SLC25A29: variants seen among roughly 807,000 people sequenced by gnomAD.
SLC25A29 encodes the protein mitochondrial basic amino acids transporter.
In SLC25A29, 13 loss-of-function variants were observed where a neutral mutation model predicts 10.0. That is an observed-to-expected ratio of 1.30 (90% CI 0.85 to 2.07). The LOEUF (loss-of-function observed/expected upper bound fraction) is 2.07, where lower values mean the gene tolerates loss of function less well. Among genes scored for constraint, SLC25A29 ranks in the 30% most tolerant of loss-of-function variants. The probability of loss-of-function intolerance (pLI) is 0.00; values close to 1 mark genes in which losing one functional copy is unlikely to be tolerated. For synonymous variants in SLC25A29, 244 were observed against 221.1 expected, an observed-to-expected ratio of 1.10 and a Z score of -0.92; for missense variants, 475 against 447.6, an observed-to-expected ratio of 1.06 and a Z score of -0.55.
intron 1 of SLC25A29, among the ~76,000 whole-genome samples, chr14:100,300,140 G>A (rs1209856691): frequency 1.3e-5 from 2 of 152,228 alleles, no homozygotes; most frequent in Admixed American, 6.5e-5. Flanking sequence ...GTGTGGTGGC[G>A]GGTGCCTATA....
chr14:100,290,253 G>A (rs922963980), downstream of SLC25A29, among the ~76,000 whole-genome samples: 4 of 152,270 alleles, frequency 2.6e-5, no homozygotes, highest in African/African-American at 4.8e-5. Context: ...GAGAGGCAAA[G>A]GGGCTGCCAA....
At chr14:100,283,806 T>G in the SLC25A29 span, among the ~76,000 whole-genome samples, 4 of 152,178 alleles carry the variant, frequency 2.6e-5, no homozygotes, top group Non-Finnish European at 4.4e-5. Context: ...TAGAAACCCC[T>G]AGATACAGAT....
intron 1 of SLC25A29, chr14:100,299,303 G>C (rs1892384648): frequency 1.9e-6 from 2 of 1,028,354 alleles, no homozygotes; most frequent in Non-Finnish European, 1.2e-6. Context: ...CCCCAGATTT[G>C]AATTTTCCCC....
At chr14:100,304,224 C>T (rs750508741) in intron 1 of SLC25A29, among the ~76,000 whole-genome samples, 7 of 152,166 alleles carry the variant, frequency 4.6e-5, no homozygotes, top group Non-Finnish European at 8.8e-5. Flanking sequence ...GGTACGGGTC[C>T]CAAGGTGGGG....
rs755678682 is a variant in SLC25A29, at chr14:100,292,919, G to A, written c.276C>T (p.Pro92=). Residue 92 remains proline (P), a synonymous_variant, in exon 4 of 4, where the codon CCC becomes CCT. Transcript: ENST00000359232. The part of the protein sequence containing the change: ...NTLRALGHDS[P]LNQFLAGAAA... Reference sequence around the variant, plus strand: ...CCGCACCTGCCAGGAACTGGTTGAGGGGCGAGTCGTGGCCCAGGGCCCGGA... The same window carrying A: ...CCGCACCTGCCAGGAACTGGTTGAGAGGCGAGTCGTGGCCCAGGGCCCGGA... The A allele has an allele frequency of 1.2e-6, 2 of 1,608,098 alleles. No individual in the cohort carries two copies. The highest frequency in any genetic ancestry group is 1.3e-5 in the African/African-American group (1 of 74,856).
At position 100,292,326 on chromosome 14, in the gene SLC25A29, G is replaced by A. The variant is rs777181473; in HGVS notation, c.869C>T (p.Ala290Val). Residue 290 changes from alanine (A) to valine (V), a missense_variant, in exon 4 of 4, where the codon GCC becomes GTC. Ala to Val is a moderately conservative substitution (Grantham distance 64, BLOSUM62 0). Coordinates refer to ENST00000359232, the MANE Select transcript of SLC25A29 (RefSeq NM_001039355.3). ...CGCCAGGGCAGGCCCCGCAGGGGCG[G>A]CGGGCACAGCCTCGCCCTCGGGCCC... ...EAGPEGEAVP[A>V]APAGPALAQP... The A allele has an allele frequency of 1.5e-5, 22 of 1,502,778 alleles. No individual in the cohort carries two copies. Among genetic ancestry groups the A allele is most frequent in the African/African-American group, 7.1e-5 (5 of 70,674 alleles). 93.1% of individuals were successfully genotyped at this position (1,502,778 alleles called of 1,614,324 possible).
At chr14:100,289,972 G>A (rs1041948364), downstream of SLC25A29, among the ~76,000 whole-genome samples, 3 of 152,186 alleles carry the variant, frequency 2.0e-5, no homozygotes, top group Non-Finnish European at 4.4e-5. Flanking sequence ...GTGGGAGGGA[G>A]CTAGAAGCCC....
chr14:100,288,361 GA>G (rs1409591785), downstream of SLC25A29, among the ~76,000 whole-genome samples: 1 of 82,054 alleles, frequency 1.2e-5, no homozygotes, highest in Admixed American at 2.0e-4. Flanking sequence ...CAGCCTGGGT[GA>G]AAAGAGTGAA....
intron 2 of SLC25A29, 43 bp from the exon 3 acceptor site, chr14:100,293,420 G>C (rs372064535): frequency 4.0e-5 from 64 of 1,585,324 alleles, no homozygotes; most frequent in African/African-American, 6.7e-5. Context: ...GGCAGGACCA[G>C]AGCACCCAGC....
In SLC25A29 at chr14:100,293,037, G is replaced by A. The variant is rs749343412; in HGVS notation, c.163-5C>T. The A allele has an allele frequency of 2.9e-5, 44 of 1,529,318 alleles. No individual in the cohort carries two copies. Among genetic ancestry groups the A allele is most frequent in the Admixed American group, 8.0e-5 (4 of 49,716 alleles). 94.7% of individuals were successfully genotyped at this position (1,529,318 alleles called of 1,614,324 possible). ...GCCCTTGTACAGGCCCAGCACCTGCGGGGACAGAGACGCCATCAGAGCCGG... is the reference window on the plus strand; with the variant it reads ...GCCCTTGTACAGGCCCAGCACCTGCAGGGACAGAGACGCCATCAGAGCCGG... On this transcript the variant is annotated splice_region_variant and splice_polypyrimidine_tract_variant and intron_variant, in intron 3 of 3. Transcript: ENST00000359232.
intron 2 of SLC25A29, chr14:100,295,774 G>A: frequency 7.8e-7 from 1 of 1,289,520 alleles, no homozygotes; most frequent in Non-Finnish European, 1.0e-6. Flanking sequence ...CCCACAGCCA[G>A]CCCCCACCCA....
chr14:100,281,438 G>C, the SLC25A29 span: 1 of 152,108 alleles, frequency 6.6e-6, no homozygotes, highest in Non-Finnish European at 1.5e-5. Flanking sequence ...GGCTGTAGGG[G>C]GCACCTGTCT....
chr14:100,296,748 G>C (rs992634161), intron 2 of SLC25A29, among the ~76,000 whole-genome samples: 1 of 150,262 alleles, frequency 6.7e-6, no homozygotes, highest in Non-Finnish European at 1.5e-5. Flanking sequence ...ACAGGCACCC[G>C]CCACCACGCC....
At chr14:100,278,803 T>C in the SLC25A29 span, 1 of 152,224 alleles carries the variant, frequency 6.6e-6, no homozygotes, top group East Asian at 1.9e-4. Context: ...GCTGAGCGCC[T>C]GCGCAGGGTA....
chr14:100,286,486 G>A (rs1316239202), downstream of SLC25A29, among the ~76,000 whole-genome samples: 17 of 122,362 alleles, frequency 1.4e-4, no homozygotes, highest in African/African-American at 5.1e-4. Context: ...GGGGGGTGTT[G>A]CTTGCAGAGG....
At chr14:100,300,752 T>C (rs1163338534) in intron 1 of SLC25A29, among the ~76,000 whole-genome samples, 1 of 152,260 alleles carries the variant, frequency 6.6e-6, no homozygotes, top group Non-Finnish European at 1.5e-5. Flanking sequence ...TTTTGTTTTC[T>C]AACCCAGTCT....
intron 1 of SLC25A29, among the ~76,000 whole-genome samples, chr14:100,303,244 A>G (rs900383688): frequency 2.0e-5 from 3 of 152,218 alleles, no homozygotes; most frequent in African/African-American, 7.2e-5. Context: ...CGGTTTTGGA[A>G]ACTGAACACT....
the SLC25A29 span, chr14:100,282,494 G>A: frequency 3.3e-5 from 5 of 152,208 alleles, no homozygotes; most frequent in East Asian, 9.7e-4. Context: ...ATCAACAGGT[G>A]GTGAGAAAAA....
chr14:100,292,592 G>A lies in SLC25A29; in HGVS notation c.603C>T (p.Ile201=). The A allele has an allele frequency of 1.2e-6, 2 of 1,603,608 alleles. No homozygotes were observed. The highest frequency in any genetic ancestry group is 1.1e-5 in the South Asian group (1 of 89,776). Reference sequence around the variant, plus strand: ...CAGGATAGGTAGAGAGCCAGGACACGATGCCTGACGTACCGCCCGCCAACA... The same window carrying A: ...CAGGATAGGTAGAGAGCCAGGACACAATGCCTGACGTACCGCCCGCCAACA... ...KLLLAGGTSG[I]VSWLSTYPVD... Residue 201 remains isoleucine, a synonymous_variant, in exon 4 of 4, where the codon ATC becomes ATT. Coordinates refer to ENST00000359232, the MANE Select transcript of SLC25A29 (RefSeq NM_001039355.3).
Sources: gnomAD v4.1 joint callset for allele counts (sites outside exome capture counted in the v4.1 genomes callset) on GRCh38, gnomAD v4.1.1 for gene constraint, MANE v1.5 for transcripts, NCBI Gene and HGNC (gene_info 2026-07-23, HGNC 2026-07-21) for gene names.